Variants in NEK5 observed in about 807,000 individuals in gnomAD.
The protein encoded by NEK5 is NIMA related kinase 5, also known as serine/threonine-protein kinase Nek5.
NEK5 carries 88 observed loss-of-function variants against 109.2 expected under a neutral mutation model. That is an observed-to-expected ratio of 0.81 (90% CI 0.68 to 0.96). The LOEUF is 0.96. Among genes scored for constraint, NEK5 ranks in the 40% least tolerant of loss-of-function variants. The pLI, the probability that NEK5 is intolerant of heterozygous loss-of-function variation, is 0.00. For missense variants in NEK5, 834 were observed against 920.7 expected (o/e 0.91, Z 1.22); for synonymous variants, 283 against 299.9 (o/e 0.94, Z 0.58).
chr13:52,071,857 G>C (rs1232927579), intron 20 of NEK5, 87 bp downstream of exon 20: 1 of 1,167,524 alleles, frequency 8.6e-7, no homozygotes. Flanking sequence ...TAACAGTGGA[G>C]CCGAGGCAGA....
rs1304359917 is a variant in NEK5 at position 52,097,996 on chromosome 13, C to T, written c.1026+1747G>A. On this transcript the variant is annotated intron_variant, in intron 12 of 23. Coordinates refer to ENST00000684899, the MANE Select transcript of NEK5 (RefSeq NM_001365552.1). ...TGTTTACAAGTGTGTAGCACCTCCC[C>T]CTTTGCTCTCTTTCTCCTGCTCTGG... Among the ~76,000 whole-genome samples the T allele has an allele frequency of 2.6e-5, 4 of 152,202 alleles. No homozygotes were observed. In the East Asian group the frequency reaches 5.8e-4, roughly 22 times the overall value.
In NEK5 at chr13:52,050,225, A is replaced by G; in HGVS notation, c.2111-4T>C. On this transcript the variant is annotated splice_polypyrimidine_tract_variant and splice_region_variant and intron_variant, in intron 22 of 23. Transcript: ENST00000684899. ...CATTGTTTTAATGTTCCCATTGCTA[A>G]AGAAATGACAGAGAAAGATATGAAA... 2 of 965,636 alleles carry G rather than the reference A, an allele frequency of 2.1e-6. No homozygotes were observed. The highest frequency in any genetic ancestry group is 3.5e-5 in the African/African-American group (2 of 56,984). The allele number at this position is 965,636 out of a possible 1,614,324, so 59.8% of individuals were successfully genotyped here.
chr13:52,110,294 T>C, intron 7 of NEK5, 46 bp downstream of exon 7: 1 of 1,163,804 alleles, frequency 8.6e-7, no homozygotes. Context: ...AAATACATAT[T>C]TGGGCTATTT....
chr13:52,048,412 A>G (rs940351246), intron 23 of NEK5, among the ~76,000 whole-genome samples: 1 of 152,186 alleles, frequency 6.6e-6, no homozygotes, highest in Non-Finnish European at 1.5e-5. Flanking sequence ...ATCTCTATAA[A>G]AAATAAATAA....
chr13:52,080,698 C>G (rs1476744109), intron 17 of NEK5, among the ~76,000 whole-genome samples: 2 of 151,912 alleles, frequency 1.3e-5, no homozygotes, highest in Non-Finnish European at 2.9e-5. Flanking sequence ...AGGCAGCATG[C>G]TCGTTAAGAG....
Position 52,036,957 on chromosome 13 carries a change from T to C in NEK5, c.2490A>G (p.Ile830Met), listed in dbSNP as rs1452157538. The C allele has an allele frequency of 1.0e-6, 1 of 984,920 alleles. No homozygotes were observed. The highest frequency in any genetic ancestry group is 1.2e-6 in the Non-Finnish European group (1 of 829,578). 61.0% of individuals were successfully genotyped at this position (984,920 alleles called of 1,614,324 possible). The change falls in exon 24 of 24, where the codon ATA (isoleucine) becomes ATG (methionine). Residue 830 changes from isoleucine (I) to methionine (M), a missense_variant. Ile to Met is a conservative substitution (Grantham distance 10). Transcript: ENST00000684899. The part of the protein sequence containing the change: ...DQGTSTTSQN[I>M]QV ...AGAAAAAGTACAATAATCACACTTGTATATTTTGACTGGTTGTTGATGTTC... is the reference window on the plus strand; with the variant it reads ...AGAAAAAGTACAATAATCACACTTGCATATTTTGACTGGTTGTTGATGTTC...
intron 22 of NEK5, among the ~76,000 whole-genome samples, chr13:52,054,515 G>A (rs1194276547): frequency 6.6e-6 from 1 of 152,220 alleles, no homozygotes; most frequent in African/African-American, 2.4e-5. Context: ...TTTCCAAAAA[G>A]ACAGCAGTAA....
At chr13:52,107,590 C>T (rs1170653224) in intron 8 of NEK5, among the ~76,000 whole-genome samples, 1 of 148,910 alleles carries the variant, frequency 6.7e-6, no homozygotes, top group Non-Finnish European at 1.5e-5. Context: ...AAGACTCTAT[C>T]TCAAAAAATA....
chr13:52,092,335 C>T (rs1302576225), intron 13 of NEK5, among the ~76,000 whole-genome samples: 1 of 151,684 alleles, frequency 6.6e-6, no homozygotes, highest in South Asian at 2.1e-4. Context: ...TATAAGAACA[C>T]GTAATTGTTA....
At chr13:52,067,338 G>C (rs947428025) in intron 20 of NEK5, among the ~76,000 whole-genome samples, 1 of 152,142 alleles carries the variant, frequency 6.6e-6, no homozygotes, top group Non-Finnish European at 1.5e-5. Flanking sequence ...GTTAGGGCAG[G>C]TCCTCAGAAT....
chr13:52,075,546 C>T (rs555316999), intron 19 of NEK5, among the ~76,000 whole-genome samples: 11 of 152,190 alleles, frequency 7.2e-5, no homozygotes, highest in African/African-American at 2.4e-4. Context: ...GGGTATTATG[C>T]TCAATACCTG....
At chr13:52,117,503 G>A (rs1955883282) in intron 4 of NEK5, among the ~76,000 whole-genome samples, 1 of 152,194 alleles carries the variant, frequency 6.6e-6, no homozygotes, top group Non-Finnish European at 1.5e-5. Context: ...CAGAGGTTAT[G>A]TATACTGTAA....
intron 7 of NEK5, among the ~76,000 whole-genome samples, chr13:52,109,870 T>C (rs1455462655): frequency 6.6e-6 from 1 of 152,192 alleles, no homozygotes; most frequent in Admixed American, 6.5e-5. Flanking sequence ...TACATCTAAT[T>C]GATGTCTTGC....
chr13:52,125,760 A>G (rs957601719), intron 3 of NEK5, among the ~76,000 whole-genome samples: 4 of 152,186 alleles, frequency 2.6e-5, no homozygotes, highest in Non-Finnish European at 5.9e-5. Flanking sequence ...GGACATACAC[A>G]GGGCGAAGAC....
At chr13:52,046,838 C>G (rs1027865242) in intron 23 of NEK5, among the ~76,000 whole-genome samples, 7 of 151,940 alleles carry the variant, frequency 4.6e-5, no homozygotes, top group African/African-American at 1.7e-4. Context: ...AGGCAAAAAC[C>G]AAGGAAAATA....
intron 19 of NEK5, among the ~76,000 whole-genome samples, chr13:52,074,328 C>T (rs1421955212): frequency 6.6e-6 from 1 of 152,080 alleles, no homozygotes. Flanking sequence ...AATAAAGCCA[C>T]TCATCTACAG....
chr13:52,104,624 G>A, intron 8 of NEK5, 72 bp from the exon 9 acceptor site: 1 of 1,033,352 alleles, frequency 9.7e-7, no homozygotes. Flanking sequence ...TCCTTACAGT[G>A]CCTTAAATTT....
chr13:52,123,472 C>A (rs1185584368), intron 3 of NEK5, among the ~76,000 whole-genome samples: 1 of 152,170 alleles, frequency 6.6e-6, no homozygotes, highest in African/African-American at 2.4e-5. Context: ...CAAATATTTT[C>A]TCTTTACATA....
intron 12 of NEK5, among the ~76,000 whole-genome samples, chr13:52,096,993 C>A (rs548070413): frequency 1.3e-5 from 2 of 152,264 alleles, no homozygotes; most frequent in African/African-American, 4.8e-5. Flanking sequence ...CCAGCTCCAG[C>A]CATGGTTAAA....
Sources: gnomAD v4.1 joint callset for allele counts (sites outside exome capture counted in the v4.1 genomes callset) on GRCh38, gnomAD v4.1.1 for gene constraint, MANE v1.5 for transcripts, NCBI Gene and HGNC (gene_info 2026-07-23, HGNC 2026-07-21) for gene names.